FER: variants seen among roughly 807,000 people sequenced by gnomAD.
FER encodes tyrosine-protein kinase Fer.
A neutral mutation model predicts 111.0 loss-of-function variants in FER; 63 were observed. That is an observed-to-expected ratio of 0.57 (90% CI 0.46 to 0.70). The LOEUF (loss-of-function observed/expected upper bound fraction) is 0.70. Ranked by LOEUF, FER falls within the 30% of genes least tolerant of loss-of-function variation. The pLI, the probability that FER is intolerant of heterozygous loss-of-function variation, is 0.00. For synonymous variants in FER, 327 were observed against 313.9 expected, an observed-to-expected ratio of 1.04 and a Z score of -0.44; for missense variants, 914 against 954.0, an observed-to-expected ratio of 0.96 and a Z score of 0.55.
chr5:109,023,744 A>G (rs888418657), intron 13 of FER, among the ~76,000 whole-genome samples: 46 of 151,856 alleles, frequency 3.0e-4, no homozygotes, highest in African/African-American at 1.1e-3. Flanking sequence ...CTATCTAGCC[A>G]ATGCCTAGCA....
chr5:109,186,405 G>A (rs1367897979), intron 19 of FER, 83 bp downstream of exon 19: 1 of 1,600,444 alleles, frequency 6.2e-7, no homozygotes, highest in African/African-American at 1.3e-5. Context: ...TTGAGGAGGG[G>A]TGTGTTAAAT....
chr5:109,176,581 TA>T (rs747143135), intron 17 of FER, among the ~76,000 whole-genome samples: 2 of 152,104 alleles, frequency 1.3e-5, no homozygotes, highest in Non-Finnish European at 2.9e-5. Context: ...GTAGAATGAA[TA>T]AGGTTAATTT....
At chr5:109,157,468 G>A (rs556938816) in intron 17 of FER, among the ~76,000 whole-genome samples, 1 of 151,750 alleles carries the variant, frequency 6.6e-6, no homozygotes, top group East Asian at 1.9e-4. Flanking sequence ...CTGCTGGAGT[G>A]TACATTGCTG....
chr5:109,085,292 A>C (rs753687673), intron 16 of FER, among the ~76,000 whole-genome samples: 1 of 151,774 alleles, frequency 6.6e-6, no homozygotes, highest in African/African-American at 2.4e-5. Context: ...ATCCTTCTTT[A>C]AAATTTCTCC....
At chr5:109,062,656 A>T (rs1037480898) in intron 16 of FER, among the ~76,000 whole-genome samples, 1 of 152,124 alleles carries the variant, frequency 6.6e-6, no homozygotes, top group Non-Finnish European at 1.5e-5. Context: ...GATGAATAGG[A>T]GACTTAGCAC....
chr5:109,104,560 A>C (rs1359983581), intron 17 of FER, among the ~76,000 whole-genome samples: 1 of 152,130 alleles, frequency 6.6e-6, no homozygotes, highest in Non-Finnish European at 1.5e-5. Flanking sequence ...AGGAGTAAGA[A>C]GATTCCAACT....
At chr5:108,997,335 G>A (rs571194437) in intron 13 of FER, among the ~76,000 whole-genome samples, 10 of 150,510 alleles carry the variant, frequency 6.6e-5, no homozygotes, top group East Asian at 5.9e-4. Flanking sequence ...GGAGAATGGC[G>A]TGAACCCAGG....
At chr5:108,779,195 T>C (rs1753791531) in intron 2 of FER, among the ~76,000 whole-genome samples, 1 of 152,174 alleles carries the variant, frequency 6.6e-6, no homozygotes, top group Admixed American at 6.5e-5. Context: ...GCCACACTTG[T>C]CTTGATTACT....
intron 16 of FER, among the ~76,000 whole-genome samples, chr5:109,096,194 A>T (rs3797849): frequency 0.034 from 5,178 of 152,138 alleles, 140 homozygotes; most frequent in South Asian, 0.083. Context: ...GAAATCTTTG[A>T]GAAACAGTTG....
chr5:109,071,092 C>T (rs1307804676), intron 16 of FER, among the ~76,000 whole-genome samples: 1 of 151,996 alleles, frequency 6.6e-6, no homozygotes, highest in Non-Finnish European at 1.5e-5. Flanking sequence ...AAAAACATTT[C>T]TTAAGCGAAA....
intron 13 of FER, among the ~76,000 whole-genome samples, chr5:109,021,417 A>C (rs1233768357): frequency 1.3e-5 from 2 of 152,078 alleles, no homozygotes; most frequent in Non-Finnish European, 2.9e-5. Flanking sequence ...ATAATTATCA[A>C]GTCATTTAAT....
At chr5:109,006,132 A>C (rs566563411) in intron 13 of FER, among the ~76,000 whole-genome samples, 2 of 152,334 alleles carry the variant, frequency 1.3e-5, no homozygotes, top group South Asian at 2.1e-4. Flanking sequence ...CTATTTTGTA[A>C]ATGATGACTT....
intron 16 of FER, chr5:109,052,414 T>C (rs1040898170): frequency 3.9e-6 from 6 of 1,519,880 alleles, no homozygotes; most frequent in East Asian, 2.3e-5. Flanking sequence ...TAAGTAGGCT[T>C]GAACCTTGTC....
chr5:109,195,063 G>C lies in FER; in HGVS notation c.*7488G>C, dbSNP rs1222741442. The C allele has an allele frequency of 2.0e-5, 3 of 152,050 alleles. No individual in the cohort carries two copies. Among genetic ancestry groups the C allele is most frequent in the Non-Finnish European group, 4.4e-5 (3 of 67,982 alleles). 9.4% of individuals were successfully genotyped at this position (152,050 alleles called of 1,614,324 possible). A position where few individuals can be genotyped will look rare whatever the true frequency, so the allele number is the denominator to read the frequency against. ...CGTGCTTTTATTTTTAAACCCAAAA[G>C]AAAGAAAGAAACACACCCTCTTATG... On this transcript the variant is annotated 3_prime_UTR_variant, in exon 20 of 20. Coordinates refer to ENST00000281092, the MANE Select transcript of FER (RefSeq NM_005246.4).
rs192582955 is a variant in FER, at chr5:109,058,495, T to C, written c.1924+11297T>C. ...TTATAAGATTATGTGGTATTAATTC[T>C]ACAAAACTTAAAATTAATTGATTTT... On this transcript the variant is annotated intron_variant, in intron 16 of 19. Transcript: ENST00000281092. Among the ~76,000 whole-genome samples, 4 of 151,650 alleles carry C rather than the reference T, an allele frequency of 2.6e-5. No homozygotes were observed. The South Asian group carries it at 6.3e-4, about 24-fold the overall frequency.
chr5:108,997,241 T>TAA (rs777216661), intron 13 of FER, among the ~76,000 whole-genome samples: 9,683 of 133,158 alleles, frequency 0.073, 410 homozygotes, highest in Middle Eastern at 0.17. Flanking sequence ...CCGTCTCTAC[T>TAA]AAAAAAAAAA....
intron 16 of FER, among the ~76,000 whole-genome samples, chr5:109,093,489 A>G (rs1380453086): frequency 1.3e-5 from 2 of 152,104 alleles, no homozygotes; most frequent in Non-Finnish European, 2.9e-5. Flanking sequence ...AAATATGAAA[A>G]TTTATGTTTT....
intron 9 of FER, among the ~76,000 whole-genome samples, chr5:108,887,045 A>T (rs1433872110): frequency 6.6e-6 from 1 of 151,662 alleles, no homozygotes; most frequent in Non-Finnish European, 1.5e-5. Flanking sequence ...ATATATAATT[A>T]AAATCAATTT....
At chr5:108,930,707 G>T (rs1170577316) in intron 10 of FER, among the ~76,000 whole-genome samples, 1 of 146,160 alleles carries the variant, frequency 6.8e-6, no homozygotes, top group African/African-American at 2.6e-5. Flanking sequence ...TCTGTCTCCT[G>T]AGTTCAAATG....
Sources: allele counts gnomAD v4.1 joint callset (sites outside exome capture counted in the v4.1 genomes callset), GRCh38; gene constraint gnomAD v4.1.1; transcripts MANE v1.5; gene names NCBI Gene and HGNC (gene_info 2026-07-23, HGNC 2026-07-21).